The following SNRPB2 variants were observed in gnomAD, a reference collection of about 807,000 sequenced individuals.
The protein encoded by SNRPB2 is U2 small nuclear ribonucleoprotein B''.
Under a neutral mutation model 26.3 loss-of-function variants are expected in SNRPB2, and 16 were observed. That is an observed-to-expected ratio of 0.61 (90% CI 0.41 to 0.92). The LOEUF (loss-of-function observed/expected upper bound fraction) is 0.92, where lower values mean the gene tolerates loss of function less well. Ranked by LOEUF, SNRPB2 falls within the 40% of genes least tolerant of loss-of-function variation. SNRPB2 has a pLI of 0.00. For missense variants in SNRPB2, 179 were observed against 268.1 expected, an observed-to-expected ratio of 0.67 and a Z score of 2.32; for synonymous variants, 75 against 89.0, an observed-to-expected ratio of 0.84 and a Z score of 0.88.
intron 2 of SNRPB2, 59 bp downstream of exon 2, chr20:16,731,825 A>C (rs2072393695): frequency 6.2e-7 from 1 of 1,603,064 alleles, no homozygotes; most frequent in Non-Finnish European, 8.5e-7. Flanking sequence ...CTACTGTCTT[A>C]AAAATTGTAC....
At chr20:16,738,051 A>AG (rs1311703175) in intron 4 of SNRPB2, among the ~76,000 whole-genome samples, 1 of 135,608 alleles carries the variant, frequency 7.4e-6, no homozygotes, top group Non-Finnish European at 1.6e-5. Context: ...AAAAAAAAAA[A>AG]GAAAAAAAAA....
At chr20:16,737,498 A>G (rs2072434360) in intron 4 of SNRPB2, 97 bp downstream of exon 4, 15 of 1,017,670 alleles carry the variant, frequency 1.5e-5, no homozygotes, top group South Asian at 2.6e-5. Context: ...TTGTCTGTAT[A>G]TGTGCATAAA....
chr20:16,737,398 C>T lies in SNRPB2; in HGVS notation c.375C>T (p.Gly125=), dbSNP rs762182489. The change falls in exon 4 of 7, where the codon GGC becomes GGT. Residue 125 remains glycine, a synonymous_variant. Transcript: ENST00000246071. ...QTATTTNKKP[G]QGTPNSANTQ... ...CAACAACCACAAACAAAAAGCCTGG[C>T]CAGGTAAGAAAGACCAAGAAAGTTC... The T allele has an allele frequency of 6.3e-7, 1 of 1,578,356 alleles. No individual in the cohort carries two copies. Among genetic ancestry groups the T allele is most frequent in the South Asian group, 1.2e-5 (1 of 83,576 alleles).
chr20:16,740,278 T>C (rs750595547), intron 5 of SNRPB2, 47 bp from the exon 6 acceptor site: 1 of 1,601,782 alleles, frequency 6.2e-7, no homozygotes, highest in Non-Finnish European at 8.5e-7. Flanking sequence ...TAGCTTACGA[T>C]GCTGTTTAAA....
At chr20:16,740,476 G>C in intron 6 of SNRPB2, 63 bp downstream of exon 6, 1 of 1,589,662 alleles carries the variant, frequency 6.3e-7, no homozygotes, top group Admixed American at 1.8e-5. Context: ...TAGTACTTCC[G>C]TGGGTTGAAT....
rs922164787 is a variant in SNRPB2, at chr20:16,730,042, A to G, written c.-158A>G. On this transcript the variant is annotated 5_prime_UTR_variant, in exon 1 of 7. Coordinates refer to ENST00000246071, the MANE Select transcript of SNRPB2 (RefSeq NM_003092.5). Reference sequence around the variant, plus strand: ...GCTCCGTTTCCTGCTTTTGGTTCTTACAGTAGTCGGCGTAGGCCTTAGGTG... The same window carrying G: ...GCTCCGTTTCCTGCTTTTGGTTCTTGCAGTAGTCGGCGTAGGCCTTAGGTG... 6 of 151,844 alleles carry G rather than the reference A, an allele frequency of 4.0e-5. No individual in the cohort carries two copies. Among genetic ancestry groups the G allele is most frequent in the East Asian group, 1.9e-4 (1 of 5,178 alleles). The allele number at this position is 151,844 out of a possible 1,614,324, so 9.4% of individuals were successfully genotyped here. A position where few individuals can be genotyped will look rare whatever the true frequency, so the allele number is the denominator to read the frequency against.
chr20:16,735,367 A>G (rs895583205), intron 3 of SNRPB2, among the ~76,000 whole-genome samples: 1 of 149,624 alleles, frequency 6.7e-6, no homozygotes, highest in African/African-American at 2.5e-5. Context: ...GAGAGGCAAT[A>G]ATTCTTTCAG....
intron 5 of SNRPB2, 95 bp from the exon 6 acceptor site, chr20:16,740,230 T>A: frequency 1.3e-6 from 2 of 1,548,988 alleles, no homozygotes; most frequent in Non-Finnish European, 1.7e-6. Flanking sequence ...TCATTGTTTT[T>A]CAGCTTTATT....
At chr20:16,736,072 C>T (rs1568754220) in intron 3 of SNRPB2, among the ~76,000 whole-genome samples, 3 of 152,098 alleles carry the variant, frequency 2.0e-5, no homozygotes, top group African/African-American at 7.2e-5. Context: ...TATTCCTAAT[C>T]GCCAAAAACT....
At chr20:16,737,731 G>A (rs572338196) in intron 4 of SNRPB2, among the ~76,000 whole-genome samples, 3 of 152,178 alleles carry the variant, frequency 2.0e-5, no homozygotes, top group Admixed American at 6.5e-5. Flanking sequence ...TTAATCATGA[G>A]TACTTCACTC....
chr20:16,742,127 A>G lies in SNRPB2; in HGVS notation c.*1122A>G, dbSNP rs968707108. The G allele has an allele frequency of 3.3e-5, 5 of 152,210 alleles. No individual in the cohort carries two copies. The highest frequency in any genetic ancestry group is 2.1e-4 in the South Asian group (1 of 4,836). The allele number at this position is 152,210 out of a possible 1,614,324, so 9.4% of individuals were successfully genotyped here. ...CATAAAGAGGAAAAAAATGTTTCCT[A>G]TAACTTTGTCACAGTTAGTCTGACT... On this transcript the variant is annotated 3_prime_UTR_variant, in exon 7 of 7. Coordinates refer to ENST00000246071, the MANE Select transcript of SNRPB2 (RefSeq NM_003092.5).
intron 3 of SNRPB2, among the ~76,000 whole-genome samples, chr20:16,735,142 C>G (rs147606487): frequency 8.5e-4 from 129 of 152,252 alleles, no homozygotes; most frequent in African/African-American, 2.9e-3. Flanking sequence ...GTAGTCATCT[C>G]TAGCTGAAGT....
intron 5 of SNRPB2, among the ~76,000 whole-genome samples, chr20:16,739,622 C>T (rs987148401): frequency 6.6e-6 from 1 of 152,170 alleles, no homozygotes; most frequent in African/African-American, 2.4e-5. Flanking sequence ...AGCACTTAAT[C>T]CTCTAAGCCT....
intron 3 of SNRPB2, among the ~76,000 whole-genome samples, chr20:16,736,033 T>G (rs2072424226): frequency 6.6e-6 from 1 of 152,260 alleles, no homozygotes; most frequent in African/African-American, 2.4e-5. Flanking sequence ...TGTGTCTGTT[T>G]TTTTAAACAC....
In SNRPB2 at chr20:16,741,121, G is replaced by C; in HGVS notation, c.*116G>C. The C allele has an allele frequency of 1.5e-6, 1 of 646,068 alleles. No individual in the cohort carries two copies. Among genetic ancestry groups the C allele is most frequent in the Non-Finnish European group, 2.5e-6 (1 of 395,162 alleles). 40.0% of individuals were successfully genotyped at this position (646,068 alleles called of 1,614,324 possible). On this transcript the variant is annotated 3_prime_UTR_variant, in exon 7 of 7. Coordinates refer to ENST00000246071, the MANE Select transcript of SNRPB2 (RefSeq NM_003092.5). ...GAGGAGGAGTAAAAGTGAAATTTTT[G>C]TGAAGGACTTAAATTATCCAGTGTT... is the stretch of plus-strand genomic sequence containing the variant.
chr20:16,732,075 G>GT, intron 2 of SNRPB2, 89 bp from the exon 3 acceptor site: 1 of 714,638 alleles, frequency 1.4e-6, no homozygotes, highest in Non-Finnish European at 2.3e-6. Context: ...AGTGAATGGT[G>GT]GGGGGGGCAA....
In SNRPB2 at chr20:16,742,392, G is replaced by A. The variant is rs2072468686; in HGVS notation, c.*1387G>A. 1 of 152,150 alleles carries A rather than the reference G, an allele frequency of 6.6e-6. No homozygotes were observed. The highest frequency in any genetic ancestry group is 2.1e-4 in the South Asian group (1 of 4,824). The allele number at this position is 152,150 out of a possible 1,614,324, so 9.4% of individuals were successfully genotyped here. On this transcript the variant is annotated 3_prime_UTR_variant, in exon 7 of 7. Coordinates refer to ENST00000246071, the MANE Select transcript of SNRPB2 (RefSeq NM_003092.5). ...TGAGTGGCTGTATTGGAGCAGAAAAGCCAGGGTGGCTCACCTGGGGTGAGA... is the reference window on the plus strand; with the variant it reads ...TGAGTGGCTGTATTGGAGCAGAAAAACCAGGGTGGCTCACCTGGGGTGAGA...
intron 4 of SNRPB2, 88 bp from the exon 5 acceptor site, chr20:16,738,764 A>T: frequency 1.3e-6 from 1 of 749,270 alleles, no homozygotes; most frequent in Admixed American, 2.1e-5. Context: ...AATTAATGTT[A>T]TTTTTAATGC....
At chr20:16,734,811 C>T (rs1263885196) in intron 3 of SNRPB2, among the ~76,000 whole-genome samples, 1 of 152,158 alleles carries the variant, frequency 6.6e-6, no homozygotes, top group Non-Finnish European at 1.5e-5. Context: ...CAGCTAAGAG[C>T]TATTGCTGAG....
Sources: allele counts gnomAD v4.1 joint callset (sites outside exome capture counted in the v4.1 genomes callset), GRCh38; gene constraint gnomAD v4.1.1; transcripts MANE v1.5; gene names NCBI Gene and HGNC (gene_info 2026-07-23, HGNC 2026-07-21).